Variants in NLRC5 observed in about 807,000 individuals in gnomAD.
The protein encoded by NLRC5 is protein NLRC5.
A neutral mutation model predicts 206.9 loss-of-function variants in NLRC5; 114 were observed. The ratio of observed to expected loss-of-function variants is 0.55; its 90% CI spans 0.47 to 0.64. The LOEUF is 0.64. Among genes scored for constraint, NLRC5 ranks in the 30% least tolerant of loss-of-function variants. NLRC5 has a pLI of 0.00. For synonymous variants in NLRC5, 952 were observed against 962.8 expected (o/e 0.99, Z 0.21); for missense variants, 2,008 against 2,305.5 (o/e 0.87, Z 2.64).
At chr16:57,060,589 A>G (rs1262321309) in intron 30 of NLRC5, among the ~76,000 whole-genome samples, 2 of 151,762 alleles carry the variant, frequency 1.3e-5, no homozygotes, top group Non-Finnish European at 2.9e-5. Context: ...TACCTGGCAC[A>G]TTACAAATAC....
chr16:57,003,732 T>C (rs1294543207), intron 1 of NLRC5: 4 of 152,098 alleles, frequency 2.6e-5, no homozygotes, highest in African/African-American at 9.7e-5. Flanking sequence ...TTTGAAACCA[T>C]ATCTTTGCTC....
chr16:57,057,982 G>A, intron 27 of NLRC5, 83 bp from the exon 28 acceptor site: 2 of 1,096,112 alleles, frequency 1.8e-6, no homozygotes, highest in Non-Finnish European at 2.7e-6. Context: ...CAGTGACAGT[G>A]GATGCAGGCT....
intron 46 of NLRC5, among the ~76,000 whole-genome samples, chr16:57,080,481 A>T (rs1225922388): frequency 1.3e-4 from 14 of 111,174 alleles, no homozygotes; most frequent in East Asian, 5.3e-4. Flanking sequence ...TCCTTTCAAG[A>T]TTTTTTTTTT....
chr16:57,045,732 T>C (rs1420832208), intron 21 of NLRC5, among the ~76,000 whole-genome samples: 1 of 152,120 alleles, frequency 6.6e-6, no homozygotes, highest in African/African-American at 2.4e-5. Flanking sequence ...GGGAGGGATA[T>C]GGTTGGGAGA....
intron 24 of NLRC5, 89 bp downstream of exon 24, chr16:57,051,710 C>T: frequency 1.0e-6 from 1 of 981,150 alleles, no homozygotes; most frequent in South Asian, 1.3e-5. Flanking sequence ...CCCTCTAACC[C>T]CTCAACCCCC....
rs61167610 is a variant in NLRC5 at position 57,002,645 on chromosome 16, GTT to G, written c.-128+13043_-128+13044del. Among the ~76,000 whole-genome samples, 454 of 94,722 alleles carry G rather than the reference GTT, an allele frequency of 4.8e-3. 2 individuals are homozygous for G. Among genetic ancestry groups the G allele is most frequent in the African/African-American group, 0.015 (390 of 25,782 alleles). 62.1% of individuals were successfully genotyped at this position (94,722 alleles called of 152,430 possible). On this transcript the variant is annotated intron_variant, in intron 1 of 48. Transcript: ENST00000688547. Reference sequence around the variant, plus strand: ...TCTAAATTTAGTTTAGTTTTTTTTTGTTTTTTTTTTTTTTTTGAGACAGAGTC... The same window carrying G: ...TCTAAATTTAGTTTAGTTTTTTTTTGTTTTTTTTTTTTTTGAGACAGAGTC...
At position 57,029,799 on chromosome 16, in the gene NLRC5, A is replaced by G. The variant is rs202002811; in HGVS notation, c.2270A>G (p.Gln757Arg). Residue 757 changes from glutamine to arginine, a missense_variant, in exon 9 of 49, where the codon CAG (glutamine) becomes CGG (arginine). Coordinates refer to ENST00000688547, the MANE Select transcript of NLRC5 (RefSeq NM_001384950.1). ...VSFRDNQLSD[Q>R]VVLNIVEVLP... The stretch of plus-strand genomic sequence containing the variant: ...TTTCGGGACAACCAGCTCAGTGACC[A>G]GGTGGTGCTGAACATTGTGGAGGTT... 1.4e-5 allele frequency: 22 copies of G among 1,614,044 alleles called. No homozygotes were observed. Among genetic ancestry groups the G allele is most frequent in the Non-Finnish European group, 1.7e-5 (20 of 1,180,012 alleles).
Position 57,075,131 on chromosome 16 carries a change from C to T in NLRC5, c.4751+448C>T, listed in dbSNP as rs149112151. Among the ~76,000 whole-genome samples the T allele has an allele frequency of 6.9e-3, 1,021 of 148,472 alleles. 5 individuals are homozygous for T. The highest frequency in any genetic ancestry group is 9.8e-3 in the Non-Finnish European group (664 of 67,580). On this transcript the variant is annotated intron_variant, in intron 39 of 48. Coordinates refer to ENST00000688547, the MANE Select transcript of NLRC5 (RefSeq NM_001384950.1). ...TCGTGTTGCACTGCAGCCTCAAACT[C>T]CTGGGCGAACGTGATCCTCCTGCCT...
chr16:57,061,127 CTA>C (rs1237055025), intron 30 of NLRC5, among the ~76,000 whole-genome samples: 1 of 152,254 alleles, frequency 6.6e-6, no homozygotes, highest in Non-Finnish European at 1.5e-5. Context: ...CTAATTGGTG[CTA>C]TGAGAATTAA....
At position 57,045,444 on chromosome 16, in the gene NLRC5, C is replaced by A; in HGVS notation, c.3204-4C>A. Reference sequence around the variant, plus strand: ...TCAAACTGCTGCTTCCTCTCTGCTTCCAGCTTTGAAAGCCAACACATCCTC... The same window carrying A: ...TCAAACTGCTGCTTCCTCTCTGCTTACAGCTTTGAAAGCCAACACATCCTC... On this transcript the variant is annotated splice_polypyrimidine_tract_variant and splice_region_variant and intron_variant, in intron 20 of 48. Coordinates refer to ENST00000688547, the MANE Select transcript of NLRC5 (RefSeq NM_001384950.1). 2 of 1,614,144 alleles carry A rather than the reference C, an allele frequency of 1.2e-6. No individual in the cohort carries two copies. Among genetic ancestry groups the A allele is most frequent in the Non-Finnish European group, 1.7e-6 (2 of 1,180,008 alleles).
chr16:57,025,676 T>G lies in NLRC5; in HGVS notation c.733T>G (p.Trp245Gly). 1 of 1,614,206 alleles carries G rather than the reference T, an allele frequency of 6.2e-7. No individual in the cohort carries two copies. Among genetic ancestry groups the G allele is most frequent in the Non-Finnish European group, 8.5e-7 (1 of 1,180,042 alleles). The change falls in exon 6 of 49, where the codon TGG (tryptophan) becomes GGG (glycine). Residue 245 changes from tryptophan to glycine, a missense_variant. Coordinates refer to ENST00000688547, the MANE Select transcript of NLRC5 (RefSeq NM_001384950.1). ...TTLAHRLCQK[W>G]AEGHLNCFQA... Reference sequence around the variant, plus strand: ...GCTGGCCCACCGGCTCTGCCAGAAGTGGGCAGAGGGCCATCTGAACTGTTT... The same window carrying G: ...GCTGGCCCACCGGCTCTGCCAGAAGGGGGCAGAGGGCCATCTGAACTGTTT...
chr16:57,046,339 T>C (rs1053976627), intron 21 of NLRC5, among the ~76,000 whole-genome samples: 1 of 152,142 alleles, frequency 6.6e-6, no homozygotes, highest in Non-Finnish European at 1.5e-5. Flanking sequence ...TGAGCCTCAG[T>C]TTCCCCATCT....
At position 57,039,837 on chromosome 16, in the gene NLRC5, G is replaced by A. The variant is rs771243560; in HGVS notation, c.2858G>A (p.Gly953Glu). ...MFAQEPEEQK[G>E]PQERAAFLDS... is the part of the protein sequence containing the mutation. ...GCCCAGGAGCCAGAGGAGCAGAAGG[G>A]GCCCCAGGAGAGGTAGGGCCCGATT... Residue 953 changes from glycine (G) to glutamate (E), a missense_variant, in exon 16 of 49, where the codon GGG becomes GAG. Gly to Glu is a moderately conservative substitution (Grantham distance 98, BLOSUM62 -2). Transcript: ENST00000688547. 5.0e-6 allele frequency: 8 copies of A among 1,614,002 alleles called. No individual in the cohort carries two copies. Among genetic ancestry groups the A allele is most frequent in the South Asian group, 1.1e-5 (1 of 91,090 alleles).
intron 30 of NLRC5, among the ~76,000 whole-genome samples, chr16:57,059,827 C>T (rs1348144005): frequency 2.6e-5 from 4 of 152,086 alleles, no homozygotes; most frequent in Non-Finnish European, 5.9e-5. Context: ...CTGAGTGTCA[C>T]GGTTAAAGAT....
intron 2 of NLRC5, 71 bp from the exon 3 acceptor site, chr16:57,020,630 C>T: frequency 1.2e-6 from 1 of 807,320 alleles, no homozygotes; most frequent in African/African-American, 2.3e-5. Context: ...CCCAAGTTCC[C>T]CTGTCCCTCA....
rs1264457863 is a variant in NLRC5 at position 57,025,353 on chromosome 16, C to T, written c.425-15C>T. On this transcript the variant is annotated splice_polypyrimidine_tract_variant and intron_variant, in intron 5 of 48. Coordinates refer to ENST00000688547, the MANE Select transcript of NLRC5 (RefSeq NM_001384950.1). ...GGGGGGTCCTCTCCTCATGCCATGTCCCTGCCCCTTGCAGAGTTGGCCAAG... is the reference window on the plus strand; with the variant it reads ...GGGGGGTCCTCTCCTCATGCCATGTTCCTGCCCCTTGCAGAGTTGGCCAAG... 6 of 1,528,142 alleles carry T rather than the reference C, an allele frequency of 3.9e-6. No homozygotes were observed. Among genetic ancestry groups the T allele is most frequent in the Non-Finnish European group, 4.4e-6 (5 of 1,139,146 alleles). The allele number at this position is 1,528,142 out of a possible 1,614,324, so 94.7% of individuals were successfully genotyped here. A position where few individuals can be genotyped will look rare whatever the true frequency, so the allele number is the denominator to read the frequency against.
chr16:57,070,448 A>G, intron 37 of NLRC5, 87 bp from the exon 38 acceptor site: 1 of 1,180,664 alleles, frequency 8.5e-7, no homozygotes, highest in Non-Finnish European at 1.2e-6. Flanking sequence ...CCCAGGGGAC[A>G]GAGCAGGAGA....
At chr16:56,993,444 G>A (rs2057210209) in intron 1 of NLRC5, among the ~76,000 whole-genome samples, 1 of 152,072 alleles carries the variant, frequency 6.6e-6, no homozygotes, top group South Asian at 2.1e-4. Flanking sequence ...CCTTGGTCAG[G>A]CATCATTTTT....
chr16:57,082,703 A>C lies in NLRC5; in HGVS notation c.*175A>C, dbSNP rs1597479397. 2.5e-5 allele frequency: 14 copies of C among 567,512 alleles called. No homozygotes were observed. The East Asian group carries it at 4.0e-4, about 16-fold the overall frequency. The allele number at this position is 567,512 out of a possible 1,614,324, so 35.2% of individuals were successfully genotyped here. ...GTCCTCAGGGAGAACTTTTTTGGGA[A>C]CCAGGAGCTGGGTCTGGACAAAGGA... On this transcript the variant is annotated 3_prime_UTR_variant, in exon 49 of 49. Coordinates refer to ENST00000688547, the MANE Select transcript of NLRC5 (RefSeq NM_001384950.1).
Sources: gnomAD v4.1 joint callset for allele counts (sites outside exome capture counted in the v4.1 genomes callset) on GRCh38, gnomAD v4.1.1 for gene constraint, MANE v1.5 for transcripts, NCBI Gene and HGNC (gene_info 2026-07-23, HGNC 2026-07-21) for gene names.